The following SNX29 variants were observed in gnomAD, a reference collection of about 807,000 sequenced individuals.
SNX29 encodes the protein sorting nexin-29.
SNX29 carries 78 observed loss-of-function variants against 102.1 expected under a neutral mutation model. The observed-to-expected ratio is 0.76, with a 90% CI of 0.64 to 0.92. SNX29 has a LOEUF of 0.92. Among genes scored for constraint, SNX29 ranks in the 40% least tolerant of loss-of-function variants. SNX29 has a pLI of 0.00. For missense variants in SNX29, 1,280 were observed against 1,061.7 expected, an observed-to-expected ratio of 1.21 and a Z score of -2.86; for synonymous variants, 580 against 414.5, an observed-to-expected ratio of 1.40 and a Z score of -4.85.
rs183220509 is a variant in SNX29 at position 12,037,439 on chromosome 16, A to G, written c.248-5458A>G. Among the ~76,000 whole-genome samples, 27 of 152,264 alleles carry G rather than the reference A, an allele frequency of 1.8e-4. No individual in the cohort carries two copies. In the East Asian group the frequency reaches 5.0e-3, roughly 28 times the overall value. ...GGTTAGTGAGACACTCACTTTGGCC[A>G]CAAAATTGAAGGCGGTACCAAAAAA... On this transcript the variant is annotated intron_variant, in intron 4 of 20. Transcript: ENST00000566228.
chr16:12,238,451 G>A (rs1289614506), intron 14 of SNX29, among the ~76,000 whole-genome samples: 3 of 151,970 alleles, frequency 2.0e-5, no homozygotes, highest in Admixed American at 6.6e-5. Context: ...TCAGCCTCCC[G>A]AGTAGCTGGG....
At chr16:12,377,629 G>A (rs1363645388) in intron 16 of SNX29, among the ~76,000 whole-genome samples, 4 of 152,142 alleles carry the variant, frequency 2.6e-5, no homozygotes, top group Non-Finnish European at 5.9e-5. Context: ...TGTGCGCCCG[G>A]TACGTAGTAG....
chr16:12,500,638 T>C (rs1289529018), intron 19 of SNX29, among the ~76,000 whole-genome samples: 2 of 152,264 alleles, frequency 1.3e-5, no homozygotes, highest in Non-Finnish European at 2.9e-5. Context: ...CATCTGTCTA[T>C]TCTTTCTCAA....
intron 20 of SNX29, among the ~76,000 whole-genome samples, chr16:12,558,161 A>T (rs1484704397): frequency 6.6e-6 from 1 of 152,208 alleles, no homozygotes; most frequent in East Asian, 1.9e-4. Flanking sequence ...TTAGCAAGTT[A>T]GGCGTAATGC....
intron 19 of SNX29, among the ~76,000 whole-genome samples, chr16:12,479,105 C>G (rs1442692729): frequency 6.6e-6 from 1 of 152,204 alleles, no homozygotes; most frequent in East Asian, 1.9e-4. Flanking sequence ...GTTAGAAATG[C>G]ACATTCTTGG....
At chr16:12,297,825 C>T (rs191596885) in intron 15 of SNX29, among the ~76,000 whole-genome samples, 1 of 152,274 alleles carries the variant, frequency 6.6e-6, no homozygotes, top group East Asian at 1.9e-4. Flanking sequence ...CTGTCGAAAC[C>T]TTCCCAGCTT....
At chr16:12,556,239 C>G (rs781468678) in intron 20 of SNX29, 1 of 152,104 alleles carries the variant, frequency 6.6e-6, no homozygotes, top group African/African-American at 2.4e-5. Context: ...GGTTTCATGG[C>G]GTCACACCCC....
At chr16:12,409,141 G>T (rs1216065693) in intron 18 of SNX29, among the ~76,000 whole-genome samples, 2 of 152,196 alleles carry the variant, frequency 1.3e-5, no homozygotes, top group Non-Finnish European at 2.9e-5. Context: ...TTCTTACACG[G>T]TAGGCTGTGC....
intron 13 of SNX29, among the ~76,000 whole-genome samples, chr16:12,135,127 T>G (rs1244485007): frequency 6.6e-6 from 1 of 152,184 alleles, no homozygotes; most frequent in Non-Finnish European, 1.5e-5. Context: ...AGGCCCTGCT[T>G]GGAATGGATG....
At chr16:12,547,456 G>C (rs1448319999) in intron 20 of SNX29, among the ~76,000 whole-genome samples, 1 of 152,130 alleles carries the variant, frequency 6.6e-6, no homozygotes, top group African/African-American at 2.4e-5. Context: ...GCCTCAGGCA[G>C]CCTGGGAAGG....
At chr16:12,036,066 G>T (rs991457487) in intron 4 of SNX29, among the ~76,000 whole-genome samples, 2 of 151,914 alleles carry the variant, frequency 1.3e-5, no homozygotes, top group Admixed American at 6.6e-5. Flanking sequence ...TTTGTGTGTG[G>T]GTTTTTTTCT....
chr16:12,269,859 C>A (rs546424118), intron 14 of SNX29, among the ~76,000 whole-genome samples: 2 of 150,380 alleles, frequency 1.3e-5, no homozygotes, highest in African/African-American at 4.9e-5. Flanking sequence ...TCATCATCAT[C>A]ATTATTATTA....
intron 20 of SNX29, among the ~76,000 whole-genome samples, chr16:12,541,670 G>A (rs2077348120): frequency 1.3e-5 from 2 of 152,154 alleles, no homozygotes; most frequent in East Asian, 3.9e-4. Flanking sequence ...CAGCCGTGCT[G>A]ACACCCGTTT....
intron 1 of SNX29, chr16:11,983,636 A>T (rs2150963564): frequency 1.0e-6 from 1 of 985,272 alleles, no homozygotes; most frequent in South Asian, 4.7e-5. Flanking sequence ...GTTGACCCCC[A>T]CCTCTGCTAG....
chr16:12,279,650 C>T (rs889592490), intron 15 of SNX29, among the ~76,000 whole-genome samples: 4 of 152,310 alleles, frequency 2.6e-5, no homozygotes, highest in Admixed American at 6.5e-5. Context: ...AGGATTGGGA[C>T]GACTTGTGTC....
chr16:12,074,734 C>T (rs995218149), intron 10 of SNX29, among the ~76,000 whole-genome samples: 5 of 152,208 alleles, frequency 3.3e-5, no homozygotes, highest in Non-Finnish European at 5.9e-5. Context: ...TGGGGACGTT[C>T]TCCTGGATAA....
At chr16:12,186,007 A>G (rs2076501414) in intron 13 of SNX29, among the ~76,000 whole-genome samples, 1 of 152,206 alleles carries the variant, frequency 6.6e-6, no homozygotes, top group Admixed American at 6.5e-5. Context: ...AAACCCCAGT[A>G]TTTATCAAAG....
chr16:12,126,595 A>G, intron 11 of SNX29, 38 bp from the exon 12 acceptor site: 1 of 1,607,946 alleles, frequency 6.2e-7, no homozygotes, highest in Non-Finnish European at 8.5e-7. Context: ...AACAGGCAAG[A>G]CCTGCCAATT....
rs769387571 is a variant in SNX29, at chr16:12,572,491, C to CA, written c.*3863dup. On this transcript the variant is annotated 3_prime_UTR_variant, in exon 21 of 21. Coordinates refer to ENST00000566228, the MANE Select transcript of SNX29 (RefSeq NM_032167.5). Reference sequence around the variant, plus strand: ...CCCTGAGGACCAGTTCTTGGGGTTCCAGGCCTCGGCCTTCCTGCTCCACGT... The same window carrying CA: ...CCCTGAGGACCAGTTCTTGGGGTTCCAAGGCCTCGGCCTTCCTGCTCCACGT... 5.2e-5 allele frequency: 55 copies of CA among 1,063,922 alleles called. No individual in the cohort carries two copies. The highest frequency in any genetic ancestry group is 5.9e-5 in the Non-Finnish European group (52 of 878,398). 65.9% of individuals were successfully genotyped at this position (1,063,922 alleles called of 1,614,324 possible). A position where few individuals can be genotyped will look rare whatever the true frequency, so the allele number is the denominator to read the frequency against.
Sources: gnomAD v4.1 joint callset for allele counts (sites outside exome capture counted in the v4.1 genomes callset) on GRCh38, gnomAD v4.1.1 for gene constraint, MANE v1.5 for transcripts, NCBI Gene and HGNC (gene_info 2026-07-23, HGNC 2026-07-21) for gene names.